The following SNX29 variants were observed in gnomAD, a reference collection of about 807,000 sequenced individuals.
SNX29 encodes sorting nexin-29.
In SNX29, 78 loss-of-function variants were observed where a neutral mutation model predicts 102.1. The ratio of observed to expected loss-of-function variants is 0.76; its 90% CI spans 0.64 to 0.92. The LOEUF (loss-of-function observed/expected upper bound fraction) is 0.92. SNX29 is among the 40% of genes least tolerant of loss of function. SNX29 has a pLI of 0.00. For missense variants in SNX29, 1,280 were observed against 1,061.7 expected (o/e 1.21, Z -2.86); for synonymous variants, 580 against 414.5 (o/e 1.40, Z -4.85).
At chr16:12,113,285 G>C (rs2053568635) in intron 11 of SNX29, among the ~76,000 whole-genome samples, 1 of 152,136 alleles carries the variant, frequency 6.6e-6, no homozygotes, top group African/African-American at 2.4e-5. Context: ...TTCAGAGGTG[G>C]GGAAACTGAG....
At chr16:12,339,563 T>C (rs1182674003) in intron 15 of SNX29, among the ~76,000 whole-genome samples, 3 of 152,088 alleles carry the variant, frequency 2.0e-5, no homozygotes, top group African/African-American at 7.2e-5. Context: ...CAAGGATTGG[T>C]GTAACCTTTG....
At chr16:12,204,238 T>C (rs565332527) in intron 14 of SNX29, among the ~76,000 whole-genome samples, 4 of 152,302 alleles carry the variant, frequency 2.6e-5, no homozygotes, top group African/African-American at 9.6e-5. Context: ...CCTGGACTTT[T>C]TGGTAATAGG....
chr16:12,038,105 T>A (rs1365828335), intron 4 of SNX29, among the ~76,000 whole-genome samples: 2 of 152,366 alleles, frequency 1.3e-5, no homozygotes, highest in East Asian at 3.9e-4. Context: ...TTAATAACTA[T>A]GGCTAACATT....
At chr16:12,246,102 A>ATTAT (rs1490223216) in intron 14 of SNX29, among the ~76,000 whole-genome samples, 1 of 152,208 alleles carries the variant, frequency 6.6e-6, no homozygotes, top group Non-Finnish European at 1.5e-5. Context: ...TCCCACATAA[A>ATTAT]GCACAGGTGA....
chr16:12,416,315 G>T (rs969278528), intron 18 of SNX29, among the ~76,000 whole-genome samples: 1 of 152,180 alleles, frequency 6.6e-6, no homozygotes, highest in Middle Eastern at 3.2e-3. Flanking sequence ...GGTCATTGCA[G>T]AGTCACAGTT....
At chr16:12,367,526 C>T (rs1286348775) in intron 16 of SNX29, 1 of 152,178 alleles carries the variant, frequency 6.6e-6, no homozygotes, top group African/African-American at 2.4e-5. Flanking sequence ...GATGGAAAAA[C>T]CCCATCCCAA....
chr16:12,551,595 T>C (rs1461441652), intron 20 of SNX29, among the ~76,000 whole-genome samples: 2 of 152,234 alleles, frequency 1.3e-5, no homozygotes, highest in Non-Finnish European at 2.9e-5. Flanking sequence ...GAACAAATTC[T>C]GGTGTTACAA....
chr16:12,154,197 G>C (rs924940373), intron 13 of SNX29, among the ~76,000 whole-genome samples: 1 of 152,032 alleles, frequency 6.6e-6, no homozygotes, highest in Non-Finnish European at 1.5e-5. Context: ...TAAAACCCTG[G>C]AATGAAGTGC....
intron 19 of SNX29, among the ~76,000 whole-genome samples, chr16:12,487,018 C>G (rs746548843): frequency 6.6e-6 from 1 of 152,210 alleles, no homozygotes; most frequent in Non-Finnish European, 1.5e-5. Flanking sequence ...TAAGGCTGTA[C>G]TATCTGTGTG....
intron 19 of SNX29, among the ~76,000 whole-genome samples, chr16:12,498,638 G>A (rs999584574): frequency 3.3e-5 from 5 of 152,170 alleles, no homozygotes; most frequent in Admixed American, 1.3e-4. Context: ...TGAGTGGGAA[G>A]GAGAACAGAT....
At position 11,983,991 on chromosome 16, in the gene SNX29, G is replaced by A. The variant is rs115755903; in HGVS notation, c.7+7178G>A. The stretch of plus-strand genomic sequence containing the variant: ...TAAACAGATGTACATTGTATCTGTG[G>A]TATTACTTTTTCATGGAGGGGATGA... On this transcript the variant is annotated intron_variant, in intron 1 of 20. Coordinates refer to ENST00000566228, the MANE Select transcript of SNX29 (RefSeq NM_032167.5). Among the ~76,000 whole-genome samples, 391 of 152,224 alleles carry A rather than the reference G, an allele frequency of 2.6e-3. 2 individuals are homozygous for A. The highest frequency in any genetic ancestry group is 8.9e-3 in the African/African-American group (369 of 41,532).
At chr16:12,513,413 C>G (rs1003682866) in intron 19 of SNX29, among the ~76,000 whole-genome samples, 1 of 151,840 alleles carries the variant, frequency 6.6e-6, no homozygotes, top group African/African-American at 2.4e-5. Flanking sequence ...CTACTCAGTT[C>G]TCTTTCCTCC....
intron 8 of SNX29, among the ~76,000 whole-genome samples, chr16:12,059,018 C>T (rs1330386776): frequency 6.6e-6 from 1 of 151,954 alleles, no homozygotes; most frequent in African/African-American, 2.4e-5. Context: ...ATCCTTCTGC[C>T]TCGGCCTCCC....
chr16:12,024,035 A>C (rs2057114078), intron 3 of SNX29, among the ~76,000 whole-genome samples: 1 of 152,190 alleles, frequency 6.6e-6, no homozygotes, highest in Non-Finnish European at 1.5e-5. Flanking sequence ...CCTGGAAATC[A>C]GACCATTAAC....
chr16:12,502,710 G>A (rs1006365095), intron 19 of SNX29, among the ~76,000 whole-genome samples: 5 of 152,288 alleles, frequency 3.3e-5, no homozygotes, highest in Non-Finnish European at 7.4e-5. Context: ...TACCCTCTAC[G>A]TGAAACATGA....
chr16:12,045,695 G>A (rs956474049), intron 5 of SNX29, among the ~76,000 whole-genome samples: 12 of 151,134 alleles, frequency 7.9e-5, no homozygotes, highest in African/African-American at 2.7e-4. Flanking sequence ...ACAGTGGCGC[G>A]ATCTCTGCTC....
At chr16:12,568,122 T>C (rs1038567446) in intron 20 of SNX29, among the ~76,000 whole-genome samples, 1 of 152,178 alleles carries the variant, frequency 6.6e-6, no homozygotes, top group Non-Finnish European at 1.5e-5. Flanking sequence ...TGGCTTTATG[T>C]AGTGTTCTCC....
intron 16 of SNX29, among the ~76,000 whole-genome samples, chr16:12,394,058 G>A (rs2083632573): frequency 6.6e-6 from 1 of 152,204 alleles, no homozygotes; most frequent in Admixed American, 6.5e-5. Flanking sequence ...GATGGAAAAG[G>A]ACCTGGGACT....
At chr16:12,143,959 G>A (rs1032626089) in intron 13 of SNX29, among the ~76,000 whole-genome samples, 1 of 152,194 alleles carries the variant, frequency 6.6e-6, no homozygotes, top group Non-Finnish European at 1.5e-5. Flanking sequence ...AGTCAAGGTT[G>A]ACAACTGGTG....
Sources: allele counts gnomAD v4.1 joint callset (sites outside exome capture counted in the v4.1 genomes callset), GRCh38; gene constraint gnomAD v4.1.1; transcripts MANE v1.5; gene names NCBI Gene and HGNC (gene_info 2026-07-23, HGNC 2026-07-21).